The following RBM26 variants were observed in gnomAD, a reference collection of about 807,000 sequenced individuals.
RBM26 encodes the protein RNA-binding protein 26.
In RBM26, 30 loss-of-function variants were observed where a neutral mutation model predicts 123.6. The observed-to-expected ratio is 0.24, with a 90% CI of 0.18 to 0.33. RBM26 has a LOEUF of 0.33. Ranked by LOEUF, RBM26 falls within the 10% of genes least tolerant of loss-of-function variation. The probability of loss-of-function intolerance (pLI) is 1.00; values close to 1 mark genes in which losing one functional copy is unlikely to be tolerated. For synonymous variants in RBM26, 400 were observed against 404.4 expected (o/e 0.99, Z 0.13); for missense variants, 947 against 1,203.6 (o/e 0.79, Z 3.15).
intron 13 of RBM26, among the ~76,000 whole-genome samples, chr13:79,354,099 T>C (rs1470740903): frequency 1.3e-5 from 2 of 152,078 alleles, no homozygotes; most frequent in East Asian, 1.9e-4. Context: ...AGTAAAAAGA[T>C]GATGGAAAAA....
At position 79,354,588 on chromosome 13, in the gene RBM26, A is replaced by T; in HGVS notation, c.1855-18T>A. 2 of 1,559,072 alleles carry T rather than the reference A, an allele frequency of 1.3e-6. No individual in the cohort carries two copies. Among genetic ancestry groups the T allele is most frequent in the Non-Finnish European group, 1.7e-6 (2 of 1,145,680 alleles). Reference sequence around the variant, plus strand: ...TGCATTACCTCAGAACAAGGAAAAAATGTTAAACAAGTTGATTCATTCAAA... The same window carrying T: ...TGCATTACCTCAGAACAAGGAAAAATTGTTAAACAAGTTGATTCATTCAAA... On this transcript the variant is annotated intron_variant, in intron 12 of 21. Transcript: ENST00000438737.
At position 79,393,940 on chromosome 13, in the gene RBM26, T is replaced by C. The variant is rs537338015; in HGVS notation, c.71+11764A>G. 7.2e-5 allele frequency among the ~76,000 whole-genome samples: 11 copies of C among 152,326 alleles called. No homozygotes were observed. The East Asian group carries it at 1.7e-3, about 24-fold the overall frequency. ...GTGTTCTGAAATGGCTTTGTGCACGTGCTGGACTGTTCACCTTGGGGGCAA... is the reference window on the plus strand; with the variant it reads ...GTGTTCTGAAATGGCTTTGTGCACGCGCTGGACTGTTCACCTTGGGGGCAA... On this transcript the variant is annotated intron_variant, in intron 1 of 21. Coordinates refer to ENST00000438737, the MANE Select transcript of RBM26 (RefSeq NM_001366735.2).
At chr13:79,396,696 A>C (rs2078596040) in intron 1 of RBM26, among the ~76,000 whole-genome samples, 1 of 152,158 alleles carries the variant, frequency 6.6e-6, no homozygotes. Flanking sequence ...ACCCTAAATA[A>C]ATTTTTTCAG....
intron 16 of RBM26, 30 bp from the exon 17 acceptor site, chr13:79,342,861 A>T: frequency 7.5e-7 from 1 of 1,337,882 alleles, no homozygotes; most frequent in Non-Finnish European, 1.1e-6. Context: ...AGAAAAATAA[A>T]GCTAATTACT....
At chr13:79,378,763 T>C (rs753546936) in intron 2 of RBM26, 26 bp downstream of exon 2, 4 of 1,343,862 alleles carry the variant, frequency 3.0e-6, no homozygotes, top group South Asian at 2.4e-5. Context: ...TAAAATATAG[T>C]AGTATTTTTA....
At chr13:79,348,614 G>A (rs2072706164) in intron 14 of RBM26, among the ~76,000 whole-genome samples, 1 of 152,054 alleles carries the variant, frequency 6.6e-6, no homozygotes, top group Non-Finnish European at 1.5e-5. Context: ...AAATACATTG[G>A]TTTAATGCAA....
At chr13:79,333,364 T>C (rs7998502) in intron 20 of RBM26, among the ~76,000 whole-genome samples, 2,902 of 152,168 alleles carry the variant, frequency 0.019, 70 homozygotes, top group African/African-American at 0.065. Context: ...AAGGCTCCAG[T>C]TGAATGACTT....
rs780330319 is a variant in RBM26 at position 79,366,725 on chromosome 13, G to C, written c.1043C>G (p.Pro348Arg). 8.7e-6 allele frequency: 14 copies of C among 1,611,652 alleles called. 1 individual carries two copies. The highest frequency in any genetic ancestry group is 1.6e-4 in the Middle Eastern group (1 of 6,070). Residue 348 changes from proline to arginine, a missense_variant, in exon 7 of 22, where the codon CCA becomes CGA. Pro to Arg is a moderately radical substitution (Grantham distance 103). Coordinates refer to ENST00000438737, the MANE Select transcript of RBM26 (RefSeq NM_001366735.2). ...TGGGGGTGTAAGAATTGGTGGAGGT[G>C]GGGGGAGTCCAGGAGGAGGTGGTCC... ...VEGPPPPGLP[P>R]PPPILTPPPV...
chr13:79,349,769 G>A (rs992956630), intron 14 of RBM26, among the ~76,000 whole-genome samples: 5 of 150,336 alleles, frequency 3.3e-5, no homozygotes, highest in Non-Finnish European at 7.4e-5. Flanking sequence ...GCGCCATCTC[G>A]GCTCATTGCA....
intron 3 of RBM26, 91 bp from the exon 4 acceptor site, chr13:79,372,021 C>T: frequency 1.1e-6 from 1 of 926,500 alleles, no homozygotes; most frequent in South Asian, 1.5e-5. Context: ...TGGTTCATGC[C>T]TGTAATGCCA....
chr13:79,326,599 TAAAC>T (rs757744458), intron 20 of RBM26, among the ~76,000 whole-genome samples: 22 of 152,138 alleles, frequency 1.4e-4, no homozygotes, highest in African/African-American at 3.4e-4. Context: ...AAGATAAACT[TAAAC>T]AAATCATTTC....
intron 1 of RBM26, among the ~76,000 whole-genome samples, chr13:79,399,748 C>A (rs2078902764): frequency 6.6e-6 from 1 of 151,990 alleles, no homozygotes; most frequent in Non-Finnish European, 1.5e-5. Flanking sequence ...GGAGTGTGAG[C>A]CCCCTACTAA....
At chr13:79,375,865 T>C (rs2076628634) in intron 3 of RBM26, among the ~76,000 whole-genome samples, 1 of 151,840 alleles carries the variant, frequency 6.6e-6, no homozygotes, top group Non-Finnish European at 1.5e-5. Flanking sequence ...GAAAAAAAGG[T>C]CACAACATCA....
At chr13:79,361,885 C>T (rs1470206976) in intron 9 of RBM26, among the ~76,000 whole-genome samples, 1 of 152,096 alleles carries the variant, frequency 6.6e-6, no homozygotes, top group African/African-American at 2.4e-5. Context: ...CAGTGATTCT[C>T]AGTGGGGATG....
chr13:79,399,131 C>G (rs2078846224), intron 1 of RBM26, among the ~76,000 whole-genome samples: 2 of 152,142 alleles, frequency 1.3e-5, no homozygotes, highest in African/African-American at 4.8e-5. Flanking sequence ...TGGGAGGAGT[C>G]ACTTCACCCA....
chr13:79,362,730 T>C lies in RBM26; in HGVS notation c.1417+2848A>G, dbSNP rs557784084. ...ATCTTTTGTTTTTTACTTTAATATG[T>C]TCCGTACCTGAAGGTTCACTAAGAG... On this transcript the variant is annotated intron_variant, in intron 9 of 21. Transcript: ENST00000438737. 7.9e-5 allele frequency among the ~76,000 whole-genome samples: 12 copies of C among 152,308 alleles called. No homozygotes were observed. The South Asian group carries it at 2.1e-3, about 26-fold the overall frequency.
intron 1 of RBM26, among the ~76,000 whole-genome samples, chr13:79,381,570 T>C (rs2077073216): frequency 6.6e-6 from 1 of 152,062 alleles, no homozygotes; most frequent in Non-Finnish European, 1.5e-5. Context: ...GTAACTTACC[T>C]GTCATTTTTC....
chr13:79,373,495 GTA>G, intron 3 of RBM26, among the ~76,000 whole-genome samples: 1 of 8,494 alleles, frequency 1.2e-4, no homozygotes, highest in Non-Finnish European at 2.3e-4. Flanking sequence ...TATATAATAT[GTA>G]TAAATATACT....
At chr13:79,328,418 C>T (rs370739371) in intron 20 of RBM26, among the ~76,000 whole-genome samples, 1 of 151,502 alleles carries the variant, frequency 6.6e-6, no homozygotes, top group Non-Finnish European at 1.5e-5. Context: ...CTATTTCACT[C>T]CTTAGACCAA....
Sources: gnomAD v4.1 joint callset for allele counts (sites outside exome capture counted in the v4.1 genomes callset) on GRCh38, gnomAD v4.1.1 for gene constraint, MANE v1.5 for transcripts, NCBI Gene and HGNC (gene_info 2026-07-23, HGNC 2026-07-21) for gene names.